FAT1: variants seen among roughly 807,000 people sequenced by gnomAD.
FAT1 encodes FAT atypical cadherin 1, also known as protocadherin Fat 1.
Under a neutral mutation model 329.8 loss-of-function variants are expected in FAT1, and 171 were observed. The ratio of observed to expected loss-of-function variants is 0.52; its 90% confidence interval spans 0.46 to 0.59. The LOEUF is 0.59. Ranked by LOEUF, FAT1 falls within the 20% of genes least tolerant of loss-of-function variation. The probability of loss-of-function intolerance (pLI) is 0.00; values close to 1 mark genes in which losing one functional copy is unlikely to be tolerated. For missense variants in FAT1, 5,672 were observed against 5,774.4 expected (o/e 0.98, Z 0.57); for synonymous variants, 2,233 against 2,228.6 (o/e 1.00, Z -0.06).
At chr4:186,679,511 G>A (rs1184115755) in intron 2 of FAT1, among the ~76,000 whole-genome samples, 1 of 151,188 alleles carries the variant, frequency 6.6e-6, no homozygotes, top group African/African-American at 2.4e-5. Context: ...TCAGGAAACT[G>A]AGTTTGTTTT....
At chr4:186,688,884 G>A (rs143985363) in intron 2 of FAT1, among the ~76,000 whole-genome samples, 55 of 152,102 alleles carry the variant, frequency 3.6e-4, no homozygotes, top group African/African-American at 1.2e-3. Flanking sequence ...AAAAAGTACC[G>A]CAATAAATAT....
chr4:186,661,345 G>A (rs997654200), intron 3 of FAT1, among the ~76,000 whole-genome samples: 2 of 152,190 alleles, frequency 1.3e-5, no homozygotes, highest in African/African-American at 2.4e-5. Context: ...CCATATCCTG[G>A]AGGCGGAAAC....
At position 186,588,148 on chromosome 4, in the gene FAT1, G is replaced by A; in HGVS notation, c.*444C>T. The A allele has an allele frequency of 4.5e-6, 1 of 224,090 alleles. No homozygotes were observed. The highest frequency in any genetic ancestry group is 8.9e-6 in the Non-Finnish European group (1 of 112,670). The allele number at this position is 224,090 out of a possible 1,614,324, so 13.9% of individuals were successfully genotyped here. ...TTATAGTAAAAAAAAAAAAATCAGGGTGCTAGATAATGGCACTGACACCAC... is the reference window on the plus strand; with the variant it reads ...TTATAGTAAAAAAAAAAAAATCAGGATGCTAGATAATGGCACTGACACCAC... On this transcript the variant is annotated 3_prime_UTR_variant, in exon 27 of 27. Coordinates refer to ENST00000441802, the MANE Select transcript of FAT1 (RefSeq NM_005245.4).
chr4:186,625,536 C>A (rs1373354492), intron 9 of FAT1, among the ~76,000 whole-genome samples: 5 of 152,116 alleles, frequency 3.3e-5, no homozygotes, highest in African/African-American at 1.2e-4. Flanking sequence ...TAATCTATAC[C>A]TGTACCAATT....
rs1739915366 is a variant in FAT1 at position 186,619,485 on chromosome 4, C to A, written c.7101G>T (p.Met2367Ile). The change falls in exon 10 of 27, where the codon ATG becomes ATT. Residue 2367 changes from methionine to isoleucine, a missense_variant. Met to Ile is a conservative substitution (Grantham distance 10). Coordinates refer to ENST00000441802, the MANE Select transcript of FAT1 (RefSeq NM_005245.4). ...CAATCACATCACTGCTCAGCGTGGGCATACCACCATCAACTGCCCTCACAA... is the reference window on the plus strand; with the variant it reads ...CAATCACATCACTGCTCAGCGTGGGAATACCACCATCAACTGCCCTCACAA... The part of the protein sequence containing the change: ...TIFVRAVDGG[M>I]PTLSSDVIVT... 1 of 1,613,968 alleles carries A rather than the reference C, an allele frequency of 6.2e-7. No individual in the cohort carries two copies. The highest frequency in any genetic ancestry group is 8.5e-7 in the Non-Finnish European group (1 of 1,179,896).
chr4:186,667,438 T>C (rs560842941), intron 2 of FAT1, among the ~76,000 whole-genome samples: 26 of 152,184 alleles, frequency 1.7e-4, no homozygotes, highest in African/African-American at 5.8e-4. Flanking sequence ...TATGAATGAG[T>C]GAGATGCTGG....
At chr4:186,649,119 C>G (rs1741510474) in intron 3 of FAT1, among the ~76,000 whole-genome samples, 1 of 131,886 alleles carries the variant, frequency 7.6e-6, no homozygotes, top group Non-Finnish European at 1.8e-5. Context: ...AAAAATGCAA[C>G]AAAGAAGTGG....
intron 20 of FAT1, 89 bp from the exon 21 acceptor site, chr4:186,601,515 T>C (rs1268749302): frequency 4.0e-6 from 4 of 1,010,102 alleles, no homozygotes; most frequent in African/African-American, 3.2e-5. Context: ...TTGAGACTGA[T>C]TTAGGGTTTT....
intron 17 of FAT1, among the ~76,000 whole-genome samples, chr4:186,605,022 C>G (rs1739034584): frequency 6.6e-6 from 1 of 151,806 alleles, no homozygotes; most frequent in South Asian, 2.1e-4. Context: ...AGTTCGAGAC[C>G]AGCCTGGCCA....
In FAT1 at chr4:186,603,279, A is replaced by G. The variant is rs145963507; in HGVS notation, c.11247T>C (p.Asp3749=). The G allele has an allele frequency of 1.9e-6, 3 of 1,613,830 alleles. No homozygotes were observed. The highest frequency in any genetic ancestry group is 1.6e-4 in the Middle Eastern group (1 of 6,084). ...CACTTTCATCCACAGACACCTTTTCATCGCAGAACTTCCAGGGGCAGTCCA... is the reference window on the plus strand; with the variant it reads ...CACTTTCATCCACAGACACCTTTTCGTCGCAGAACTTCCAGGGGCAGTCCA... ...AGLDCPWKFC[D]EKVSVDESVM... The change falls in exon 19 of 27, where the codon GAT becomes GAC. Residue 3749 remains aspartate (D), a synonymous_variant. Coordinates refer to ENST00000441802, the MANE Select transcript of FAT1 (RefSeq NM_005245.4).
rs139672969 is a variant in FAT1, at chr4:186,709,998, A to G, written c.-18-153T>C. On this transcript the variant is annotated intron_variant, in intron 1 of 26. Transcript: ENST00000441802. ...TGGGATGTTTTTCATGTTTTCCAAT[A>G]TAAGTATCAACATTCTTGTAACATG... Among the ~76,000 whole-genome samples, 402 of 152,340 alleles carry G rather than the reference A, an allele frequency of 2.6e-3. 2 individuals are homozygous for G. Among genetic ancestry groups the G allele is most frequent in the African/African-American group, 6.5e-3 (272 of 41,566 alleles).
rs767797099 is a variant in FAT1, at chr4:186,618,660, T to A, written c.7926A>T (p.Val2642=). 1 of 1,613,928 alleles carries A rather than the reference T, an allele frequency of 6.2e-7. No individual in the cohort carries two copies. The highest frequency in any genetic ancestry group is 1.3e-5 in the African/African-American group (1 of 74,940). ...GTTTGTTAATTTCCAAATTCTCTTT[T>A]ACACTTTCAGAGTCTGCTTCAATGG... ...TYAIEADSES[V]KENLEINKLS... The change falls in exon 10 of 27, where the codon GTA becomes GTT. Residue 2642 remains valine, a synonymous_variant. Coordinates refer to ENST00000441802, the MANE Select transcript of FAT1 (RefSeq NM_005245.4).
In FAT1 at chr4:186,636,892, C is replaced by G. The variant is rs761315697; in HGVS notation, c.3665G>C (p.Ser1222Thr). The change falls in exon 5 of 27, where the codon AGT becomes ACT. Residue 1222 changes from serine to threonine, a missense_variant. By Grantham distance (58) the Ser-to-Thr change is moderately conservative (BLOSUM62 1). Around this residue, in one of 2 missense-constraint regions of FAT1, gnomAD observed 3,966 missense variants for 3,915.2 expected, o/e 1.01. Coordinates refer to ENST00000441802, the MANE Select transcript of FAT1 (RefSeq NM_005245.4). The stretch of plus-strand genomic sequence containing the variant: ...TCTTGCAATGGTTGATTTGGGGGGA[C>G]TACCATTGTCTGTCACAGTAACCTG... The part of the protein sequence containing the change: ...ILEVTVTDNG[S>T]PPKSTIARVI... The G allele has an allele frequency of 6.2e-7, 1 of 1,609,536 alleles. No individual in the cohort carries two copies.
intron 17 of FAT1, among the ~76,000 whole-genome samples, chr4:186,605,327 A>C (rs1341467775): frequency 2.6e-5 from 3 of 113,242 alleles, no homozygotes; most frequent in Admixed American, 9.2e-5. Flanking sequence ...GAGGAGGGGT[A>C]GTGAGGAGGA....
rs1219663758 is a variant in FAT1 at position 186,709,028 on chromosome 4, A to C, written c.800T>G (p.Leu267Arg). The change falls in exon 2 of 27, where the codon CTG becomes CGG. Residue 267 changes from leucine (L) to arginine (R), a missense_variant. Physicochemically the swap from Leu to Arg is moderately radical, Grantham distance 102. This residue lies in a region of FAT1 where 3,966 missense variants were observed against 3,915.2 expected (regional missense o/e 1.01). Transcript: ENST00000441802. ...AATTGCATATGCTGGGTCCCTGTCC[A>C]GTTCTGATGGTGACAATGTCACTGC... is the stretch of plus-strand genomic sequence containing the variant. ...ITAVTLSPSE[L>R]DRDPAYAIVT... 1 of 1,613,982 alleles carries C rather than the reference A, an allele frequency of 6.2e-7. No homozygotes were observed. The highest frequency in any genetic ancestry group is 2.2e-5 in the East Asian group (1 of 44,886).
chr4:186,596,511 C>T lies in FAT1; in HGVS notation c.13000+29G>A, dbSNP rs192374609. ...ACCTCACTGTTTATCTCAAGTGACA[C>T]TTTAGTGAGATGAAAAAGTGGCTCT... On this transcript the variant is annotated intron_variant, in intron 25 of 26. Transcript: ENST00000441802. The surrounding 1 kb of genome is among the most constrained non-coding windows in gnomAD (Gnocchi z 4.7). 2,606 of 1,594,436 alleles carry T rather than the reference C, an allele frequency of 1.6e-3. 22 individuals are homozygous for T. Among genetic ancestry groups the T allele is most frequent in the African/African-American group, 9.5e-3 (707 of 74,196 alleles).
intron 11 of FAT1, among the ~76,000 whole-genome samples, chr4:186,616,035 C>T (rs949905156): frequency 3.3e-5 from 5 of 152,188 alleles, no homozygotes; most frequent in South Asian, 4.2e-4. Context: ...AAGTCGGGCT[C>T]GATGGCATGC....
At chr4:186,605,707 T>G (rs1739097900) in intron 17 of FAT1, among the ~76,000 whole-genome samples, 2 of 122,600 alleles carry the variant, frequency 1.6e-5, no homozygotes, top group African/African-American at 3.2e-5. Flanking sequence ...GAAAGTGGAG[T>G]AGAAGATGGA....
At chr4:186,624,601 A>G (rs1172523167) in intron 9 of FAT1, among the ~76,000 whole-genome samples, 1 of 152,186 alleles carries the variant, frequency 6.6e-6, no homozygotes, top group East Asian at 1.9e-4. Flanking sequence ...CATATAACTC[A>G]ATGGTTACTG....
Sources: gnomAD v4.1 joint callset for allele counts (sites outside exome capture counted in the v4.1 genomes callset) on GRCh38, gnomAD v4.1.1 for gene constraint, gnomAD v4.1.1 regional missense constraint, Gnocchi (gnomAD v3.1) non-coding constraint, MANE v1.5 for transcripts, NCBI Gene and HGNC (gene_info 2026-07-23, HGNC 2026-07-21) for gene names.